DPP10: variants seen among roughly 807,000 people sequenced by gnomAD.
DPP10 encodes the protein dipeptidyl peptidase like 10.
DPP10 carries 33 observed loss-of-function variants against 120.9 expected under a neutral mutation model. The ratio of observed to expected loss-of-function variants is 0.27; its 90% CI spans 0.21 to 0.37. The LOEUF (loss-of-function observed/expected upper bound fraction) is 0.37, where lower values mean the gene tolerates loss of function less well. Ranked by LOEUF, DPP10 falls within the 10% of genes least tolerant of loss-of-function variation. The pLI is 1.00. For synonymous variants in DPP10, 337 were observed against 326.1 expected (o/e 1.03, Z -0.36); for missense variants, 816 against 942.8 (o/e 0.87, Z 1.76).
intron 1 of DPP10, among the ~76,000 whole-genome samples, chr2:115,210,952 TAAGTC>T (rs1378185247): frequency 4.6e-5 from 7 of 152,146 alleles, no homozygotes; most frequent in Admixed American, 3.3e-4. Context: ...GAAGATCAAA[TAAGTC>T]AAAACAATAC....
chr2:115,605,092 TTCACCTGCTCTATAGGACTAGG>T (rs1306763000), intron 5 of DPP10, among the ~76,000 whole-genome samples: 1 of 152,172 alleles, frequency 6.6e-6, no homozygotes, highest in African/African-American at 2.4e-5. Context: ...ATCTCCAATA[TTCACCTGCTCTATAGGACTAGG>T]TCATGGAATA....
In DPP10 at chr2:115,301,466, TA is replaced by T. The variant is rs1453112111; in HGVS notation, c.61-7772del. Among the ~76,000 whole-genome samples the T allele has an allele frequency of 3.9e-5, 4 of 103,442 alleles. No individual in the cohort carries two copies. The East Asian group carries it at 1.2e-3, about 31-fold the overall frequency. 67.9% of individuals were successfully genotyped at this position (103,442 alleles called of 152,430 possible). ...GAGAGAAAAATACTGGAAAGTGGGC[TA>T]CTTTTTTTTTTTTTTTTTTTTAACT... On this transcript the variant is annotated intron_variant, in intron 1 of 25. Coordinates refer to ENST00000410059, the MANE Select transcript of DPP10 (RefSeq NM_020868.6).
At chr2:114,804,473 C>T (rs1278831261) in intron 1 of DPP10, among the ~76,000 whole-genome samples, 2 of 152,174 alleles carry the variant, frequency 1.3e-5, no homozygotes, top group Non-Finnish European at 2.9e-5. Context: ...TCAATGCCAG[C>T]CTGGGAAAGC....
Position 115,680,431 on chromosome 2 carries a change from C to T in DPP10, c.442-9256C>T, listed in dbSNP as rs80047528. ...AAGTCCACAATTGACCAGTAAAAGA[C>T]AAATTATGTATAGAATGTAAGTATA... is the stretch of plus-strand genomic sequence containing the variant. On this transcript the variant is annotated intron_variant, in intron 5 of 25. Transcript: ENST00000410059. Among the ~76,000 whole-genome samples, 453 of 151,768 alleles carry T rather than the reference C, an allele frequency of 3.0e-3. 3 individuals carry two copies. Among genetic ancestry groups the T allele is most frequent in the African/African-American group, 0.011 (441 of 41,456 alleles).
intron 1 of DPP10, among the ~76,000 whole-genome samples, chr2:115,216,202 A>G (rs1343952926): frequency 2.0e-5 from 3 of 152,132 alleles, no homozygotes; most frequent in Non-Finnish European, 4.4e-5. Context: ...AATGGGTGCA[A>G]CGTACACTAT....
At chr2:114,886,024 T>C (rs189362003) in intron 1 of DPP10, among the ~76,000 whole-genome samples, 2 of 152,286 alleles carry the variant, frequency 1.3e-5, no homozygotes, top group East Asian at 1.9e-4. Context: ...ATTAATGTAG[T>C]TTATGAGACT....
intron 3 of DPP10, among the ~76,000 whole-genome samples, chr2:115,422,803 T>C (rs2070099694): frequency 1.3e-5 from 2 of 152,168 alleles, no homozygotes; most frequent in Non-Finnish European, 2.9e-5. Flanking sequence ...CTCAGTGTTT[T>C]GAGGTTTTGC....
chr2:115,590,179 T>G (rs2082552057), intron 5 of DPP10, among the ~76,000 whole-genome samples: 1 of 149,134 alleles, frequency 6.7e-6, no homozygotes. Context: ...ATTATTATTA[T>G]TATTATACTT....
chr2:114,626,731 C>T (rs1694542832), intron 1 of DPP10, among the ~76,000 whole-genome samples: 1 of 151,942 alleles, frequency 6.6e-6, no homozygotes, highest in South Asian at 2.1e-4. Context: ...AAGTACACTA[C>T]CAAGTAATAT....
intron 13 of DPP10, among the ~76,000 whole-genome samples, chr2:115,775,813 AT>A (rs1682031200): frequency 6.6e-6 from 1 of 152,126 alleles, no homozygotes; most frequent in Non-Finnish European, 1.5e-5. Context: ...ATTAACTCTT[AT>A]TTTTTGAACA....
chr2:115,314,514 G>T (rs1357552012), intron 2 of DPP10, among the ~76,000 whole-genome samples: 1 of 152,134 alleles, frequency 6.6e-6, no homozygotes, highest in Non-Finnish European at 1.5e-5. Flanking sequence ...AGGTTTATCA[G>T]AATATAAACA....
chr2:115,257,779 A>G (rs965430825), intron 1 of DPP10, among the ~76,000 whole-genome samples: 3 of 152,176 alleles, frequency 2.0e-5, no homozygotes, highest in East Asian at 1.9e-4. Context: ...TAGTCCATTC[A>G]TATAACATAG....
intron 1 of DPP10, among the ~76,000 whole-genome samples, chr2:115,138,001 T>A (rs985497393): frequency 1.5e-4 from 23 of 152,160 alleles, no homozygotes; most frequent in African/African-American, 5.6e-4. Context: ...CAATATCATA[T>A]GAGGACAGAA....
chr2:115,006,015 T>C (rs1393502138), intron 1 of DPP10, among the ~76,000 whole-genome samples: 2 of 151,974 alleles, frequency 1.3e-5, no homozygotes, highest in African/African-American at 4.8e-5. Context: ...TAACAGTGGA[T>C]CTCTTGGCAG....
chr2:115,021,863 A>T (rs1703101065), intron 1 of DPP10, among the ~76,000 whole-genome samples: 1 of 152,156 alleles, frequency 6.6e-6, no homozygotes, highest in South Asian at 2.1e-4. Context: ...AACATCTGCA[A>T]GTCAACAAAT....
At chr2:115,187,582 C>A (rs949595778) in intron 1 of DPP10, among the ~76,000 whole-genome samples, 1 of 152,074 alleles carries the variant, frequency 6.6e-6, no homozygotes, top group Non-Finnish European at 1.5e-5. Flanking sequence ...TGGTCCAGGA[C>A]ACCTAGGAAG....
chr2:115,753,241 G>T lies in DPP10; in HGVS notation c.1018G>T (p.Ala340Ser), dbSNP rs2053724. ...GACTGTGGTAAGATGGTTAAACCGA[G>T]CTCAGAACATCTCCATCCTCACAGT... The part of the protein sequence containing the change: ...TKTVVRWLNR[A>S]QNISILTVCE... Residue 340 changes from alanine to serine, a missense_variant, in exon 11 of 26, where the codon GCT (alanine) becomes TCT (serine). This residue lies in a region of DPP10 where 592 missense variants were observed against 649.0 expected (regional missense o/e 0.91). Transcript: ENST00000410059. 6.2e-7 allele frequency: 1 copy of T among 1,611,526 alleles called. No individual in the cohort carries two copies. The highest frequency in any genetic ancestry group is 1.7e-4 in the Middle Eastern group (1 of 6,040).
At chr2:114,798,152 T>A (rs1042224722) in intron 1 of DPP10, among the ~76,000 whole-genome samples, 3 of 152,004 alleles carry the variant, frequency 2.0e-5, no homozygotes, top group African/African-American at 7.2e-5. Flanking sequence ...GTAAACATGA[T>A]AAGAAAGTGC....
At chr2:115,529,725 A>C (rs1488595922) in intron 5 of DPP10, among the ~76,000 whole-genome samples, 1 of 152,140 alleles carries the variant, frequency 6.6e-6, no homozygotes, top group Non-Finnish European at 1.5e-5. Flanking sequence ...TGTCCAAGTC[A>C]GTTGATTTCT....
Sources: gnomAD v4.1 joint callset for allele counts (sites outside exome capture counted in the v4.1 genomes callset) on GRCh38, gnomAD v4.1.1 for gene constraint, gnomAD v4.1.1 regional missense constraint, MANE v1.5 for transcripts, NCBI Gene and HGNC (gene_info 2026-07-23, HGNC 2026-07-21) for gene names.